The following TTLL5 variants were observed in gnomAD, a reference collection of about 807,000 sequenced individuals.
TTLL5 encodes the protein tubulin tyrosine ligase like 5, also known as tubulin polyglutamylase TTLL5.
A neutral mutation model predicts 168.4 loss-of-function variants in TTLL5; 132 were observed. The observed-to-expected ratio is 0.78, with a 90% confidence interval of 0.68 to 0.91. The LOEUF is 0.91. Among genes scored for constraint, TTLL5 ranks in the 40% least tolerant of loss-of-function variants. The pLI is 0.00. For synonymous variants in TTLL5, 546 were observed against 558.6 expected (o/e 0.98, Z 0.32); for missense variants, 1,545 against 1,581.5 (o/e 0.98, Z 0.39).
chr14:75,684,251 G>T (rs1884858397), intron 5 of TTLL5: 1 of 152,090 alleles, frequency 6.6e-6, no homozygotes, highest in Non-Finnish European at 1.5e-5. Context: ...CATGAGGATG[G>T]GTTTGCCTTT....
At chr14:75,788,645 A>G (rs546226543) in intron 26 of TTLL5, among the ~76,000 whole-genome samples, 49 of 152,308 alleles carry the variant, frequency 3.2e-4, no homozygotes, top group African/African-American at 1.1e-3. Flanking sequence ...CATAAGGCCT[A>G]GATTTATGGG....
chr14:75,689,539 G>C (rs1020177830), intron 5 of TTLL5: 25 of 152,142 alleles, frequency 1.6e-4, no homozygotes, highest in African/African-American at 3.6e-4. Context: ...AATCTATATG[G>C]AAATGCTTTA....
intron 15 of TTLL5, chr14:75,737,546 C>T (rs1387679093): frequency 6.5e-7 from 1 of 1,533,886 alleles, no homozygotes; most frequent in Admixed American, 2.0e-5. Context: ...GGGTTTATTC[C>T]ATTTTTCTGT....
chr14:75,811,177 G>A (rs890036124), intron 27 of TTLL5, among the ~76,000 whole-genome samples: 1 of 121,436 alleles, frequency 8.2e-6, no homozygotes, highest in African/African-American at 2.7e-5. Flanking sequence ...GTGTGTGTGT[G>A]TGTGTGTGTG....
intron 15 of TTLL5, chr14:75,737,752 T>G (rs970195348): frequency 4.6e-5 from 37 of 809,360 alleles, no homozygotes; most frequent in South Asian, 1.8e-4. Flanking sequence ...TGAAAATGAA[T>G]GCATAGAAGT....
intron 28 of TTLL5, among the ~76,000 whole-genome samples, chr14:75,823,092 G>A (rs1015148459): frequency 1.3e-5 from 2 of 152,146 alleles, no homozygotes; most frequent in Non-Finnish European, 1.5e-5. Context: ...AAGCAAGGCC[G>A]ACTTAGAATT....
At position 75,718,093 on chromosome 14, in the gene TTLL5, G is replaced by A. The variant is rs1887590549; in HGVS notation, c.842+131G>A. The A allele has an allele frequency of 5.1e-5, 39 of 758,916 alleles. No homozygotes were observed. In the South Asian group the frequency reaches 6.5e-4, roughly 13 times the overall value. The allele number at this position is 758,916 out of a possible 1,614,324, so 47.0% of individuals were successfully genotyped here. A position where few individuals can be genotyped will look rare whatever the true frequency, so the allele number is the denominator to read the frequency against. On this transcript the variant is annotated intron_variant, in intron 10 of 31. Transcript: ENST00000298832. ...GTCCATGTACCATTTATGGAAATCTGTCAGTCATATAACAGTGTTGAGGCA... is the reference window on the plus strand; with the variant it reads ...GTCCATGTACCATTTATGGAAATCTATCAGTCATATAACAGTGTTGAGGCA...
At chr14:75,760,446 A>G (rs1427742081) in intron 18 of TTLL5, among the ~76,000 whole-genome samples, 2 of 152,046 alleles carry the variant, frequency 1.3e-5, no homozygotes, top group Non-Finnish European at 2.9e-5. Context: ...TGCAATTTCA[A>G]TCATTATTCT....
At chr14:75,905,590 T>C (rs1484503859) in intron 31 of TTLL5, among the ~76,000 whole-genome samples, 2 of 152,110 alleles carry the variant, frequency 1.3e-5, no homozygotes, top group African/African-American at 4.8e-5. Context: ...AGTTTTAGAG[T>C]CAGCAAATTT....
intron 30 of TTLL5, among the ~76,000 whole-genome samples, chr14:75,886,303 G>T (rs1331015392): frequency 1.3e-5 from 2 of 152,200 alleles, no homozygotes; most frequent in Non-Finnish European, 2.9e-5. Flanking sequence ...TGCAAAGGGA[G>T]TTGAGAATCA....
At position 75,894,191 on chromosome 14, in the gene TTLL5, TCAAAC is replaced by T. The variant is rs1189060836; in HGVS notation, c.3741-7947_3741-7943del. Among the ~76,000 whole-genome samples, 9 of 152,298 alleles carry T rather than the reference TCAAAC, an allele frequency of 5.9e-5. No individual in the cohort carries two copies. The South Asian group carries it at 1.9e-3, about 32-fold the overall frequency. ...ATAATTAAGATGCAGGCTGTAGTGT[TCAAAC>T]CAATAGAGCAGGGAAAGGGAAATGT... On this transcript the variant is annotated intron_variant, in intron 30 of 31. Coordinates refer to ENST00000298832, the MANE Select transcript of TTLL5 (RefSeq NM_015072.5).
chr14:75,663,355 T>C (rs1890876009), intron 2 of TTLL5, 132 bp downstream of exon 2: 2 of 892,520 alleles, frequency 2.2e-6, no homozygotes, highest in Non-Finnish European at 3.4e-6. Context: ...CCTTGGGGAT[T>C]ATCTAACTCT....
At chr14:75,717,806 C>G in intron 9 of TTLL5, 55 bp from the exon 10 acceptor site, 1 of 1,521,246 alleles carries the variant, frequency 6.6e-7, no homozygotes. Context: ...TCAGTTCCAG[C>G]CTGTATTTCC....
chr14:75,745,816 G>C (rs1390789764), intron 17 of TTLL5, among the ~76,000 whole-genome samples: 2 of 151,456 alleles, frequency 1.3e-5, no homozygotes, highest in African/African-American at 4.9e-5. Flanking sequence ...CCTATCCCAG[G>C]GTTAGGGACT....
chr14:75,939,120 G>A (rs754215452), intron 31 of TTLL5, among the ~76,000 whole-genome samples: 1 of 152,140 alleles, frequency 6.6e-6, no homozygotes, highest in Non-Finnish European at 1.5e-5. Context: ...TTGTTTTACC[G>A]TAGAGAGCCT....
chr14:75,903,529 C>T (rs1254265656), intron 31 of TTLL5, among the ~76,000 whole-genome samples: 1 of 151,822 alleles, frequency 6.6e-6, no homozygotes, highest in Non-Finnish European at 1.5e-5. Context: ...AAGGAGCCAT[C>T]GAGGAGTTTT....
At chr14:75,788,384 A>G (rs1050501059) in intron 26 of TTLL5, among the ~76,000 whole-genome samples, 1 of 152,112 alleles carries the variant, frequency 6.6e-6, no homozygotes, top group Non-Finnish European at 1.5e-5. Context: ...ACACCTATCA[A>G]GAAAAAAGAG....
chr14:75,686,075 A>T (rs1482197289), intron 5 of TTLL5, among the ~76,000 whole-genome samples: 2 of 152,202 alleles, frequency 1.3e-5, no homozygotes, highest in Non-Finnish European at 2.9e-5. Context: ...TGTGGTACCT[A>T]GATTTGCCAA....
At position 75,663,085 on chromosome 14, in the gene TTLL5, G is replaced by A; in HGVS notation, c.-65G>A. Reference sequence around the variant, plus strand: ...TGTGCCATCCAAATTGCTTGATCCAGTGAATCTGCTAGGAAAGGTCTCTGA... The same window carrying A: ...TGTGCCATCCAAATTGCTTGATCCAATGAATCTGCTAGGAAAGGTCTCTGA... On this transcript the variant is annotated 5_prime_UTR_variant, in exon 2 of 32. It adds an upstream start codon to the 5' untranslated region. Transcript: ENST00000298832. 6.8e-7 allele frequency: 1 copy of A among 1,470,020 alleles called. No homozygotes were observed. The highest frequency in any genetic ancestry group is 1.2e-5 in the South Asian group (1 of 84,914). 91.1% of individuals were successfully genotyped at this position (1,470,020 alleles called of 1,614,324 possible).
Sources: allele counts gnomAD v4.1 joint callset (sites outside exome capture counted in the v4.1 genomes callset), GRCh38; gene constraint gnomAD v4.1.1; transcripts MANE v1.5; gene names NCBI Gene and HGNC (gene_info 2026-07-23, HGNC 2026-07-21).